The following CTNNA3 variants were observed in gnomAD, a reference collection of about 807,000 sequenced individuals.
CTNNA3 encodes the protein catenin alpha-3.
CTNNA3 carries 76 observed loss-of-function variants against 95.7 expected under a neutral mutation model. That is an observed-to-expected ratio of 0.79 (90% confidence interval 0.66 to 0.96). CTNNA3 has a LOEUF of 0.96. Among genes scored for constraint, CTNNA3 ranks in the 40% least tolerant of loss-of-function variants. The probability of loss-of-function intolerance (pLI) is 0.00; values close to 1 mark genes in which losing one functional copy is unlikely to be tolerated. For missense variants in CTNNA3, 1,191 were observed against 1,089.8 expected (o/e 1.09, Z -1.31); for synonymous variants, 431 against 374.4 (o/e 1.15, Z -1.74).
chr10:66,978,612 T>C (rs1334792214), intron 7 of CTNNA3, among the ~76,000 whole-genome samples: 1 of 145,404 alleles, frequency 6.9e-6, no homozygotes, highest in African/African-American at 2.5e-5. Context: ...AGATCTTATG[T>C]TAAGTGTTCT....
At chr10:67,726,441 T>A (rs1334321859) in intron 1 of CTNNA3, among the ~76,000 whole-genome samples, 23 of 72,422 alleles carry the variant, frequency 3.2e-4, no homozygotes, top group African/African-American at 1.3e-3. Flanking sequence ...TCATATATAA[T>A]ATATAATATT....
intron 6 of CTNNA3, among the ~76,000 whole-genome samples, chr10:67,198,835 C>T (rs1161117829): frequency 6.6e-6 from 1 of 152,168 alleles, no homozygotes; most frequent in African/African-American, 2.4e-5. Flanking sequence ...AAATGTTAAA[C>T]CAACATCATT....
At chr10:67,252,376 C>T (rs940512603) in intron 5 of CTNNA3, among the ~76,000 whole-genome samples, 1 of 152,094 alleles carries the variant, frequency 6.6e-6, no homozygotes, top group Non-Finnish European at 1.5e-5. Context: ...ATGCCTAAAA[C>T]CCTGGATAAT....
At position 66,384,296 on chromosome 10, in the gene CTNNA3, C is replaced by G. The variant is rs577311501; in HGVS notation, c.1532-4944G>C. On this transcript the variant is annotated intron_variant, in intron 11 of 17. Coordinates refer to ENST00000433211, the MANE Select transcript of CTNNA3 (RefSeq NM_013266.4). ...AACAAAAAAAAGCAGGGGTTGCAAT[C>G]CTAGTCTCTGATAAAACACACTTTA... Among the ~76,000 whole-genome samples the G allele has an allele frequency of 3.9e-5, 6 of 152,184 alleles. No individual in the cohort carries two copies. In the East Asian group the frequency reaches 1.2e-3, roughly 29 times the overall value.
intron 7 of CTNNA3, among the ~76,000 whole-genome samples, chr10:67,072,900 C>T (rs1856546693): frequency 6.6e-6 from 1 of 152,224 alleles, no homozygotes. Flanking sequence ...CTTTGGCTTC[C>T]TATGCAGCCT....
intron 15 of CTNNA3, among the ~76,000 whole-genome samples, chr10:65,994,422 T>C (rs1230882411): frequency 1.3e-5 from 2 of 150,416 alleles, no homozygotes; most frequent in African/African-American, 2.4e-5. Flanking sequence ...GTGTTCTGGA[T>C]TGACATTTTT....
chr10:65,952,021 C>G (rs2077625727), intron 17 of CTNNA3, among the ~76,000 whole-genome samples: 2 of 130,440 alleles, frequency 1.5e-5, no homozygotes, highest in South Asian at 5.3e-4. Flanking sequence ...CAGAGCGAGG[C>G]TCCGCCTCAA....
At chr10:66,183,734 C>CT (rs1564739040) in intron 13 of CTNNA3, among the ~76,000 whole-genome samples, 1 of 152,074 alleles carries the variant, frequency 6.6e-6, no homozygotes, top group Admixed American at 6.6e-5. Flanking sequence ...GACATTGTGA[C>CT]TTTTTTTCTT....
At chr10:66,100,475 C>T (rs1338437454) in intron 14 of CTNNA3, among the ~76,000 whole-genome samples, 1 of 152,100 alleles carries the variant, frequency 6.6e-6, no homozygotes, top group Non-Finnish European at 1.5e-5. Flanking sequence ...ATAATGTTGC[C>T]ACCAGTAGAT....
chr10:66,268,427 G>T (rs1056098741), intron 13 of CTNNA3, among the ~76,000 whole-genome samples: 1 of 152,124 alleles, frequency 6.6e-6, no homozygotes, highest in African/African-American at 2.4e-5. Flanking sequence ...CTATCCAGTG[G>T]CTACCATGCT....
intron 10 of CTNNA3, among the ~76,000 whole-genome samples, chr10:66,612,639 T>C (rs1222184492): frequency 6.6e-6 from 1 of 152,106 alleles, no homozygotes; most frequent in African/African-American, 2.4e-5. Context: ...TCCCCACCAC[T>C]GTGACTGTAT....
intron 8 of CTNNA3, among the ~76,000 whole-genome samples, chr10:66,769,630 C>G (rs1418129461): frequency 6.6e-6 from 1 of 152,160 alleles, no homozygotes; most frequent in Non-Finnish European, 1.5e-5. Context: ...AGGGCCTGTT[C>G]CAAGTCTCTG....
intron 2 of CTNNA3, among the ~76,000 whole-genome samples, chr10:67,615,719 G>A (rs1185593500): frequency 7.2e-6 from 1 of 139,142 alleles, no homozygotes; most frequent in South Asian, 2.2e-4. Flanking sequence ...CTAGAGTGCA[G>A]TGGTGCTATC....
chr10:66,875,413 GA>G (rs1270500052), intron 7 of CTNNA3, among the ~76,000 whole-genome samples: 1 of 144,656 alleles, frequency 6.9e-6, no homozygotes, highest in Admixed American at 7.0e-5. Context: ...AAAAAAAATA[GA>G]AGAAAGTAAA....
At chr10:65,959,809 CCTGGCAACTCCCCT>C (rs2077805743) in intron 17 of CTNNA3, among the ~76,000 whole-genome samples, 1 of 152,154 alleles carries the variant, frequency 6.6e-6, no homozygotes, top group African/African-American at 2.4e-5. Flanking sequence ...AGCCACCGTA[CCTGGCAACTCCCCT>C]CTTTATTTGA....
At chr10:66,421,897 G>GATGTGTATATATATATATATAT in intron 11 of CTNNA3, among the ~76,000 whole-genome samples, 3 of 108,150 alleles carry the variant, frequency 2.8e-5, no homozygotes, top group Non-Finnish European at 3.9e-5. Flanking sequence ...TAATAAATGT[G>GATGTGTATATATATATATATAT]ATATATATAT....
At chr10:66,771,321 AGATAT>A (rs1216077228) in intron 8 of CTNNA3, among the ~76,000 whole-genome samples, 1 of 152,198 alleles carries the variant, frequency 6.6e-6, no homozygotes, top group Non-Finnish European at 1.5e-5. Flanking sequence ...AATAGAAATA[AGATAT>A]ATTTGTTGCT....
intron 11 of CTNNA3, among the ~76,000 whole-genome samples, chr10:66,388,338 A>T (rs1310046439): frequency 6.6e-6 from 1 of 152,174 alleles, no homozygotes; most frequent in Non-Finnish European, 1.5e-5. Flanking sequence ...TTAATTAAAG[A>T]TGAAATGATA....
At chr10:66,464,442 G>GTT (rs1475110242) in intron 11 of CTNNA3, among the ~76,000 whole-genome samples, 3 of 152,032 alleles carry the variant, frequency 2.0e-5, no homozygotes, top group Admixed American at 6.6e-5. Context: ...ATCTCAGGCA[G>GTT]TTACAAAATC....
Sources: gnomAD v4.1 joint callset for allele counts (sites outside exome capture counted in the v4.1 genomes callset) on GRCh38, gnomAD v4.1.1 for gene constraint, MANE v1.5 for transcripts, NCBI Gene and HGNC (gene_info 2026-07-23, HGNC 2026-07-21) for gene names.